Variants in ZNF620 observed in about 807,000 individuals in gnomAD.
The protein encoded by ZNF620 is zinc finger protein 620.
Under a neutral mutation model 13.3 loss-of-function variants are expected in ZNF620, and 10 were observed. That is an observed-to-expected ratio of 0.75 (90% CI 0.46 to 1.28). ZNF620 has a LOEUF of 1.28. Ranked by LOEUF, ZNF620 falls within the 50% of genes most tolerant of loss-of-function variation. ZNF620 has a pLI of 0.00. For missense variants in ZNF620, 461 were observed against 500.2 expected, an observed-to-expected ratio of 0.92 and a Z score of 0.75; for synonymous variants, 166 against 177.6, an observed-to-expected ratio of 0.93 and a Z score of 0.52.
chr3:40,508,832 C>G (rs888487863), intron 2 of ZNF620: 1 of 455,676 alleles, frequency 2.2e-6, no homozygotes, highest in African/African-American at 2.0e-5. Context: ...TGCCTAGGCT[C>G]TTCTCAAACT....
At chr3:40,506,768 C>G (rs934737077) in intron 2 of ZNF620, among the ~76,000 whole-genome samples, 2 of 152,144 alleles carry the variant, frequency 1.3e-5, no homozygotes, top group African/African-American at 4.8e-5. Flanking sequence ...GATAGTTTTA[C>G]TCCTTTCTTT....
At chr3:40,509,603 A>G (rs1340234092) in intron 2 of ZNF620, among the ~76,000 whole-genome samples, 1 of 152,096 alleles carries the variant, frequency 6.6e-6, no homozygotes, top group Non-Finnish European at 1.5e-5. Context: ...GTCTTTCCAA[A>G]TGATCCTTTC....
At position 40,515,795 on chromosome 3, in the gene ZNF620, TGTGTG is replaced by T. The variant is rs1698354997; in HGVS notation, c.266-64_266-60del. The T allele has an allele frequency of 2.3e-6, 3 of 1,301,354 alleles. No individual in the cohort carries two copies. In the African/African-American group the frequency reaches 6.0e-5, roughly 26 times the overall value. 80.6% of individuals were successfully genotyped at this position (1,301,354 alleles called of 1,614,324 possible). On this transcript the variant is annotated intron_variant, in intron 4 of 4. Transcript: ENST00000314529. Reference sequence around the variant, plus strand: ...AGCACAGATATTGTGTGTGTGTGTGTGTGTGTGTGTGTGTGTGTGTGTGTGATATC... The same window carrying T: ...AGCACAGATATTGTGTGTGTGTGTGTTGTGTGTGTGTGTGTGTGTGATATC...
At chr3:40,515,660 C>A (rs1036348034) in intron 4 of ZNF620, among the ~76,000 whole-genome samples, 200 bp from the exon 5 acceptor site, 1 of 152,004 alleles carries the variant, frequency 6.6e-6, no homozygotes, top group Non-Finnish European at 1.5e-5. Flanking sequence ...TTTTCATGTC[C>A]CTTGCAGGGC....
chr3:40,516,383 A>G lies in ZNF620; in HGVS notation c.789A>G (p.Ser263=), dbSNP rs779506358. 2.5e-6 allele frequency: 4 copies of G among 1,614,148 alleles called. No homozygotes were observed. The highest frequency in any genetic ancestry group is 1.1e-5 in the South Asian group (1 of 91,096). Residue 263 remains serine (S), a synonymous_variant, in exon 5 of 5, where the codon TCA becomes TCG. Coordinates refer to ENST00000314529, the MANE Select transcript of ZNF620 (RefSeq NM_175888.4). ...KCKECGKGLS[S]DTALIQHQRI... Reference sequence around the variant, plus strand: ...AAGAATGTGGAAAAGGTTTAAGTTCAGACACAGCCTTGATTCAGCATCAGA... The same window carrying G: ...AAGAATGTGGAAAAGGTTTAAGTTCGGACACAGCCTTGATTCAGCATCAGA...
At position 40,517,847 on chromosome 3, in the gene ZNF620, G is replaced by C. The variant is rs1698438211; in HGVS notation, c.*984G>C. ...AGAAGTCTCCTAAATTCAAAAACGGGCCCTGTCCATGTGGAGCCAAATGCA... is the reference window on the plus strand; with the variant it reads ...AGAAGTCTCCTAAATTCAAAAACGGCCCCTGTCCATGTGGAGCCAAATGCA... On this transcript the variant is annotated 3_prime_UTR_variant, in exon 5 of 5. Coordinates refer to ENST00000314529, the MANE Select transcript of ZNF620 (RefSeq NM_175888.4). 1 of 152,168 alleles carries C rather than the reference G, an allele frequency of 6.6e-6. No individual in the cohort carries two copies. Among genetic ancestry groups the C allele is most frequent in the Non-Finnish European group, 1.5e-5 (1 of 68,042 alleles). 9.4% of individuals were successfully genotyped at this position (152,168 alleles called of 1,614,324 possible).
In ZNF620 at chr3:40,513,834, T is replaced by C. The variant is rs1015410272; in HGVS notation, c.265+1319T>C. ...TTATAACCTAGGAAAAACCAGGCCA[T>C]ACAGAGATAGGAGCTGAAGGGACAC... is the stretch of plus-strand genomic sequence containing the variant. On this transcript the variant is annotated intron_variant, in intron 4 of 4. Transcript: ENST00000314529. Among the ~76,000 whole-genome samples the C allele has an allele frequency of 1.4e-4, 21 of 152,210 alleles. 1 individual carries two copies. In the Middle Eastern group the frequency reaches 0.014, roughly 101 times the overall value.
chr3:40,512,647 C>G (rs1292844642), intron 4 of ZNF620, 132 bp downstream of exon 4: 9 of 667,686 alleles, frequency 1.3e-5, no homozygotes, highest in Middle Eastern at 2.5e-4. Flanking sequence ...ATGTGATTCT[C>G]TGAGTTCATG....
Position 40,516,427 on chromosome 3 carries a change from A to C in ZNF620, c.833A>C (p.Lys278Thr). 1 of 1,614,252 alleles carries C rather than the reference A, an allele frequency of 6.2e-7. No individual in the cohort carries two copies. The highest frequency in any genetic ancestry group is 8.5e-7 in the Non-Finnish European group (1 of 1,180,046). ...IQHQRIHTGE[K>T]PYECKECGKA... is the part of the protein sequence containing the mutation. ...CATCAGAGAATCCACACTGGAGAAA[A>C]GCCCTATGAATGTAAGGAGTGCGGC... is the stretch of plus-strand genomic sequence containing the variant. The change falls in exon 5 of 5, where the codon AAG becomes ACG. Residue 278 changes from lysine (K) to threonine (T), a missense_variant. Physicochemically the swap from Lys to Thr is moderately conservative, Grantham distance 78 (BLOSUM62 -1). Coordinates refer to ENST00000314529, the MANE Select transcript of ZNF620 (RefSeq NM_175888.4).
rs1191838371 is a variant in ZNF620, at chr3:40,506,140, T to C, written c.-50+2T>C. On this transcript the variant is annotated splice_donor_variant, in intron 1 of 4. Coordinates refer to ENST00000314529, the MANE Select transcript of ZNF620 (RefSeq NM_175888.4). LOFTEE classifies it low-confidence loss of function (5UTR_SPLICE). Reference sequence around the variant, plus strand: ...GAGCTGAAGAGGTTCGCGGTCCGGGTAACTGATTGGTTTTCCTGGGGCTTG... The same window carrying C: ...GAGCTGAAGAGGTTCGCGGTCCGGGCAACTGATTGGTTTTCCTGGGGCTTG... 3 of 644,048 alleles carry C rather than the reference T, an allele frequency of 4.7e-6. No individual in the cohort carries two copies. Among genetic ancestry groups the C allele is most frequent in the Non-Finnish European group, 8.4e-6 (3 of 359,254 alleles). 39.9% of individuals were successfully genotyped at this position (644,048 alleles called of 1,614,324 possible).
At position 40,517,244 on chromosome 3, in the gene ZNF620, A is replaced by G. The variant is rs554434824; in HGVS notation, c.*381A>G. 136 of 158,154 alleles carry G rather than the reference A, an allele frequency of 8.6e-4. 1 individual carries two copies. In the South Asian group the frequency reaches 0.017, roughly 20 times the overall value. The allele number at this position is 158,154 out of a possible 1,614,324, so 9.8% of individuals were successfully genotyped here. On this transcript the variant is annotated 3_prime_UTR_variant, in exon 5 of 5. Coordinates refer to ENST00000314529, the MANE Select transcript of ZNF620 (RefSeq NM_175888.4). Reference sequence around the variant, plus strand: ...AGTTTCTAGAGAGAGAAAACAAAAGATCAGAAATGAAAGCGGGGCCAGGCG... The same window carrying G: ...AGTTTCTAGAGAGAGAAAACAAAAGGTCAGAAATGAAAGCGGGGCCAGGCG...
chr3:40,511,177 C>A (rs761995437), intron 2 of ZNF620, among the ~76,000 whole-genome samples: 1 of 152,148 alleles, frequency 6.6e-6, no homozygotes, highest in Non-Finnish European at 1.5e-5. Flanking sequence ...ACAAAACCCA[C>A]ACTGGGGAAA....
chr3:40,515,817 T>TGTGA, intron 4 of ZNF620, 43 bp from the exon 5 acceptor site: 3 of 1,086,808 alleles, frequency 2.8e-6, no homozygotes, highest in Non-Finnish European at 3.7e-6. Flanking sequence ...TGTGTGTGTG[T>TGTGA]GTGATATCAG....
chr3:40,511,720 C>G (rs545539436), intron 3 of ZNF620, 124 bp downstream of exon 3: 1 of 1,303,880 alleles, frequency 7.7e-7, no homozygotes, highest in South Asian at 1.5e-5. Context: ...CTCCCTCTGT[C>G]GCCCAGGCTG....
chr3:40,506,183 AC>A, intron 1 of ZNF620, 45 bp downstream of exon 1: 1 of 800,582 alleles, frequency 1.2e-6, no homozygotes, highest in East Asian at 2.7e-5. Flanking sequence ...TGGTTTTGCA[AC>A]CCCTTTGCTT....
chr3:40,509,829 G>A lies in ZNF620; in HGVS notation c.25-1641G>A, dbSNP rs1427373079. On this transcript the variant is annotated intron_variant, in intron 2 of 4. Transcript: ENST00000314529. ...GTTCCCCCTTCCTGTGTTGCAGCCT[G>A]GAAATTCCTCAGGGTAGTAGCTTAG... Among the ~76,000 whole-genome samples, 5 of 152,102 alleles carry A rather than the reference G, an allele frequency of 3.3e-5. No homozygotes were observed. In the East Asian group the frequency reaches 9.6e-4, roughly 29 times the overall value.
In ZNF620 at chr3:40,512,458, T is replaced by C; in HGVS notation, c.208T>C (p.Trp70Arg). The C allele has an allele frequency of 6.2e-7, 1 of 1,614,246 alleles. No homozygotes were observed. The highest frequency in any genetic ancestry group is 8.5e-7 in the Non-Finnish European group (1 of 1,180,038). ...VSQLEQGELP[W>R]GLDPWEPMGR... ...CCAGCTGGAGCAAGGGGAACTGCCATGGGGCCTCGATCCCTGGGAACCTAT... is the reference window on the plus strand; with the variant it reads ...CCAGCTGGAGCAAGGGGAACTGCCACGGGGCCTCGATCCCTGGGAACCTAT... Residue 70 changes from tryptophan to arginine, a missense_variant, in exon 4 of 5, where the codon TGG becomes CGG. Trp to Arg is a moderately radical substitution (Grantham distance 101). Transcript: ENST00000314529.
chr3:40,507,475 G>T (rs1367520917), intron 2 of ZNF620, among the ~76,000 whole-genome samples: 1 of 152,070 alleles, frequency 6.6e-6, no homozygotes, highest in African/African-American at 2.4e-5. Context: ...CTTCGTCATG[G>T]TGTATTATTA....
intron 3 of ZNF620, 30 bp from the exon 4 acceptor site, chr3:40,512,372 A>G (rs1342180295): frequency 1.3e-6 from 2 of 1,595,892 alleles, no homozygotes; most frequent in Non-Finnish European, 1.7e-6. Context: ...GATTCCCCTT[A>G]CCTTTTCCTG....
Sources: gnomAD v4.1 joint callset for allele counts (sites outside exome capture counted in the v4.1 genomes callset) on GRCh38, gnomAD v4.1.1 for gene constraint, MANE v1.5 for transcripts, NCBI Gene and HGNC (gene_info 2026-07-23, HGNC 2026-07-21) for gene names.